GPATCH2: variants seen among roughly 807,000 people sequenced by gnomAD.
GPATCH2 encodes the protein G patch domain-containing protein 2.
GPATCH2 carries 51 observed loss-of-function variants against 58.0 expected under a neutral mutation model. The ratio of observed to expected loss-of-function variants is 0.88; its 90% CI spans 0.70 to 1.11. The LOEUF (loss-of-function observed/expected upper bound fraction) is 1.11. Ranked by LOEUF, GPATCH2 falls within the 50% of genes most tolerant of loss-of-function variation. The pLI is 0.00. For synonymous variants in GPATCH2, 222 were observed against 218.5 expected (o/e 1.02, Z -0.14); for missense variants, 625 against 652.2 (o/e 0.96, Z 0.45).
Position 217,431,345 on chromosome 1 carries a change from G to A in GPATCH2, c.1387C>T (p.Gln463Ter). ...CCAATATTATTTTCTAGGATTGGCT[G>A]GGCATTTTCACCTACAAATCCTGAA... The part of the protein sequence containing the change: ...TTAGFVGENA[Q>*]PILENNIGNR... The change falls in exon 10 of 10, where the codon CAG becomes TAG. Residue 463 changes from glutamine to a stop codon, truncating the protein, a stop_gained. Coordinates refer to ENST00000366935, the MANE Select transcript of GPATCH2 (RefSeq NM_018040.5). LOFTEE classifies it high-confidence loss of function. 2 of 1,594,980 alleles carry A rather than the reference G, an allele frequency of 1.3e-6. No individual in the cohort carries two copies.
intron 6 of GPATCH2, among the ~76,000 whole-genome samples, chr1:217,506,473 A>G (rs1182214480): frequency 6.6e-6 from 1 of 152,214 alleles, no homozygotes; most frequent in African/African-American, 2.4e-5. Context: ...GGGCAAGATG[A>G]CAGAGTATTA....
Position 217,619,828 on chromosome 1 carries a change from A to G in GPATCH2, c.728T>C (p.Met243Thr), listed in dbSNP as rs367681339. ...EETNQTNKDKMECEEQKVSDE... is the reference protein window; with the variant it reads ...EETNQTNKDKTECEEQKVSDE... ...TGAGACTTTTTGCTCTTCACATTCC[A>G]TTTTGTCCTTATTGGTCTGGTTCGT... The change falls in exon 2 of 10, where the codon ATG (methionine) becomes ACG (threonine). Residue 243 changes from methionine (M) to threonine (T), a missense_variant. By Grantham distance (81) the Met-to-Thr change is moderately conservative. Coordinates refer to ENST00000366935, the MANE Select transcript of GPATCH2 (RefSeq NM_018040.5). 12 of 1,610,950 alleles carry G rather than the reference A, an allele frequency of 7.4e-6. No homozygotes were observed. In the African/African-American group the frequency reaches 1.3e-4, roughly 18 times the overall value.
chr1:217,461,127 A>G (rs1660181435), intron 8 of GPATCH2, among the ~76,000 whole-genome samples: 1 of 152,260 alleles, frequency 6.6e-6, no homozygotes, highest in African/African-American at 2.4e-5. Flanking sequence ...CATATTGAGA[A>G]GATAAGACTA....
intron 8 of GPATCH2, among the ~76,000 whole-genome samples, chr1:217,454,433 C>CA (rs1490780158): frequency 5.3e-5 from 8 of 151,468 alleles, no homozygotes; most frequent in Non-Finnish European, 8.8e-5. Context: ...ACTAAAAATA[C>CA]AAAAAATTAG....
chr1:217,533,189 A>G (rs528069761), intron 5 of GPATCH2, among the ~76,000 whole-genome samples: 3 of 152,106 alleles, frequency 2.0e-5, no homozygotes, highest in Non-Finnish European at 4.4e-5. Context: ...AATTACAGGC[A>G]TAAACCACCA....
At chr1:217,464,202 T>C (rs1482927225) in intron 8 of GPATCH2, among the ~76,000 whole-genome samples, 2 of 152,168 alleles carry the variant, frequency 1.3e-5, no homozygotes, top group Non-Finnish European at 2.9e-5. Flanking sequence ...TTGTTGAATG[T>C]ATATAATAAC....
chr1:217,489,977 A>G (rs1661641514), intron 8 of GPATCH2, among the ~76,000 whole-genome samples: 1 of 152,260 alleles, frequency 6.6e-6, no homozygotes. Context: ...ATTTATATAA[A>G]CATTTTAATC....
chr1:217,620,426 G>A lies in GPATCH2; in HGVS notation c.130C>T (p.Arg44Ter). 4 of 1,613,984 alleles carry A rather than the reference G, an allele frequency of 2.5e-6. No individual in the cohort carries two copies. Among genetic ancestry groups the A allele is most frequent in the Non-Finnish European group, 2.5e-6 (3 of 1,179,956 alleles). Residue 44 changes from arginine (R) to a stop codon, truncating the protein, a stop_gained, in exon 2 of 10, where the codon CGA becomes TGA. Transcript: ENST00000366935. LOFTEE classifies it high-confidence loss of function. ...SALEESSEQA[R>*]GGFAETGDHS... Reference sequence around the variant, plus strand: ...TCTCCTGTTTCAGCAAATCCACCTCGAGCTTGCTCTGAGCTCTCTTCCAAT... The same window carrying A: ...TCTCCTGTTTCAGCAAATCCACCTCAAGCTTGCTCTGAGCTCTCTTCCAAT...
intron 9 of GPATCH2, among the ~76,000 whole-genome samples, chr1:217,434,485 C>A (rs1462335112): frequency 6.6e-6 from 1 of 152,092 alleles, no homozygotes; most frequent in Non-Finnish European, 1.5e-5. Flanking sequence ...TAAACAGTGC[C>A]TTAGCGTGTT....
chr1:217,561,916 G>A (rs1282611040), intron 5 of GPATCH2, among the ~76,000 whole-genome samples: 1 of 152,106 alleles, frequency 6.6e-6, no homozygotes, highest in African/African-American at 2.4e-5. Context: ...TTCTCTCTGG[G>A]GACTGGTTCT....
At chr1:217,511,220 C>A (rs974534472) in intron 6 of GPATCH2, among the ~76,000 whole-genome samples, 2 of 152,162 alleles carry the variant, frequency 1.3e-5, no homozygotes, top group Non-Finnish European at 2.9e-5. Flanking sequence ...TCAATACCAG[C>A]ACAATATCTG....
intron 5 of GPATCH2, among the ~76,000 whole-genome samples, chr1:217,526,408 T>A (rs565625893): frequency 6.6e-6 from 1 of 152,190 alleles, no homozygotes; most frequent in South Asian, 2.1e-4. Flanking sequence ...AAAAAAAGTA[T>A]GTAATCATGA....
intron 5 of GPATCH2, among the ~76,000 whole-genome samples, chr1:217,569,565 T>G (rs1041655549): frequency 1.1e-4 from 16 of 151,770 alleles, no homozygotes; most frequent in African/African-American, 3.9e-4. Flanking sequence ...TGTGGTGGCA[T>G]GCACCTGTAA....
chr1:217,428,087 G>T lies in GPATCH2; in HGVS notation c.*3058C>A, dbSNP rs1013985074. The stretch of plus-strand genomic sequence containing the variant: ...AATTAAATAGTGTATTCGGGGAGCA[G>T]AAAAGAAGGAAACAAATGACTCCAG... On this transcript the variant is annotated 3_prime_UTR_variant, in exon 10 of 10. Transcript: ENST00000366935. 6.6e-6 allele frequency: 1 copy of T among 152,148 alleles called. No homozygotes were observed. The highest frequency in any genetic ancestry group is 2.4e-5 in the African/African-American group (1 of 41,452). The allele number at this position is 152,148 out of a possible 1,614,324, so 9.4% of individuals were successfully genotyped here.
intron 5 of GPATCH2, among the ~76,000 whole-genome samples, chr1:217,607,681 C>A (rs1194053950): frequency 2.0e-5 from 3 of 152,140 alleles, no homozygotes; most frequent in African/African-American, 7.2e-5. Flanking sequence ...CCCTTAGGAG[C>A]CATGATTCAG....
chr1:217,475,301 T>A (rs1421018675), intron 8 of GPATCH2, among the ~76,000 whole-genome samples: 1 of 152,044 alleles, frequency 6.6e-6, no homozygotes, highest in Non-Finnish European at 1.5e-5. Flanking sequence ...TAGCTGGATG[T>A]GGTGGCAGAT....
At chr1:217,608,235 A>G in intron 5 of GPATCH2, 2 of 967,272 alleles carry the variant, frequency 2.1e-6, no homozygotes, top group South Asian at 9.6e-5. Flanking sequence ...AAATTACAGT[A>G]CTTAAAAATT....
chr1:217,610,520 T>C (rs1668574825), intron 4 of GPATCH2, 120 bp from the exon 5 acceptor site: 2 of 663,144 alleles, frequency 3.0e-6, no homozygotes, highest in Admixed American at 2.9e-5. Flanking sequence ...ATGCCACGAA[T>C]ATTATTTGGG....
intron 5 of GPATCH2, chr1:217,609,131 T>C: frequency 2.3e-6 from 2 of 882,382 alleles, no homozygotes; most frequent in Non-Finnish European, 2.7e-6. Flanking sequence ...CATTTTAATA[T>C]AACCATTTTG....
Sources: gnomAD v4.1 joint callset for allele counts (sites outside exome capture counted in the v4.1 genomes callset) on GRCh38, gnomAD v4.1.1 for gene constraint, MANE v1.5 for transcripts, NCBI Gene and HGNC (gene_info 2026-07-23, HGNC 2026-07-21) for gene names.